The following GMPS variants were observed in gnomAD, a reference collection of about 807,000 sequenced individuals.
GMPS encodes GMP synthase [glutamine-hydrolyzing].
Under a neutral mutation model 77.9 loss-of-function variants are expected in GMPS, and 15 were observed. The observed-to-expected ratio is 0.19, with a 90% CI of 0.13 to 0.30. The LOEUF is 0.30. Among genes scored for constraint, GMPS ranks in the 10% least tolerant of loss-of-function variants. GMPS has a pLI of 1.00. For missense variants in GMPS, 590 were observed against 838.8 expected (o/e 0.70, Z 3.66); for synonymous variants, 224 against 275.9 (o/e 0.81, Z 1.86).
chr3:155,930,084 G>A (rs1469935667), intron 12 of GMPS, among the ~76,000 whole-genome samples: 23 of 145,964 alleles, frequency 1.6e-4, no homozygotes, highest in African/African-American at 5.7e-4. Flanking sequence ...AAAGCTGGAG[G>A]CATCACACTA....
intron 1 of GMPS, among the ~76,000 whole-genome samples, chr3:155,874,433 A>C (rs548927665): frequency 6.6e-6 from 1 of 152,352 alleles, no homozygotes; most frequent in Non-Finnish European, 1.5e-5. Flanking sequence ...TAAGATTTTG[A>C]ATGGAATGGG....
chr3:155,941,524 A>G lies in GMPS; in HGVS notation c.*3832A>G, dbSNP rs1755890928. 4.6e-6 allele frequency: 1 copy of G among 219,640 alleles called. No homozygotes were observed. The highest frequency in any genetic ancestry group is 6.7e-5 in the East Asian group (1 of 14,978). The allele number at this position is 219,640 out of a possible 1,614,324, so 13.6% of individuals were successfully genotyped here. On this transcript the variant is annotated 3_prime_UTR_variant, in exon 16 of 16. Transcript: ENST00000496455. ...TCTAGAGATAGCCCTGTCTTTCAGA[A>G]ATTCTCTGACATCTGCTTGCGCAAT...
chr3:155,883,944 T>A (rs1274843888), intron 1 of GMPS, among the ~76,000 whole-genome samples: 2 of 152,132 alleles, frequency 1.3e-5, no homozygotes, highest in South Asian at 2.1e-4. Flanking sequence ...GCAGGTTGAT[T>A]CGGGCTGATT....
intron 14 of GMPS, among the ~76,000 whole-genome samples, chr3:155,935,258 A>G (rs150011035): frequency 1.3e-3 from 191 of 152,168 alleles, no homozygotes; most frequent in South Asian, 0.012. Context: ...ATCTTGGTTC[A>G]CTTCAGCCTC....
rs1162599110 is a variant in GMPS, at chr3:155,940,331, A to G, written c.*2639A>G. The G allele has an allele frequency of 5.0e-6, 1 of 201,770 alleles. No homozygotes were observed. The highest frequency in any genetic ancestry group is 1.0e-5 in the Non-Finnish European group (1 of 98,326). The allele number at this position is 201,770 out of a possible 1,614,324, so 12.5% of individuals were successfully genotyped here. A position where few individuals can be genotyped will look rare whatever the true frequency, so the allele number is the denominator to read the frequency against. ...TCTGTTAGAAATAACAGCCTGGCATAATTCCTAAATACAAGTCTGTAGATA... is the reference window on the plus strand; with the variant it reads ...TCTGTTAGAAATAACAGCCTGGCATGATTCCTAAATACAAGTCTGTAGATA... On this transcript the variant is annotated 3_prime_UTR_variant, in exon 16 of 16. Transcript: ENST00000496455.
At chr3:155,903,803 A>T (rs1010195984) in intron 3 of GMPS, 60 bp from the exon 4 acceptor site, 2 of 669,564 alleles carry the variant, frequency 3.0e-6, no homozygotes, top group African/African-American at 1.8e-5. Flanking sequence ...TTAAATCAGT[A>T]TAACAAAATG....
chr3:155,874,518 A>C (rs779466267), intron 1 of GMPS, among the ~76,000 whole-genome samples: 1 of 152,182 alleles, frequency 6.6e-6, no homozygotes, highest in East Asian at 1.9e-4. Context: ...CAACTTAGTA[A>C]ATTTTTTTCT....
In GMPS at chr3:155,941,557, C is replaced by T; in HGVS notation, c.*3865C>T. 1 of 220,800 alleles carries T rather than the reference C, an allele frequency of 4.5e-6. No homozygotes were observed. The highest frequency in any genetic ancestry group is 6.6e-5 in the East Asian group (1 of 15,120). 13.7% of individuals were successfully genotyped at this position (220,800 alleles called of 1,614,324 possible). On this transcript the variant is annotated 3_prime_UTR_variant, in exon 16 of 16. Coordinates refer to ENST00000496455, the MANE Select transcript of GMPS (RefSeq NM_003875.3). Reference sequence around the variant, plus strand: ...GACATCTGCTTGCGCAATGTTATAACCACTTTCCCACACTACTCCCCTCCA... The same window carrying T: ...GACATCTGCTTGCGCAATGTTATAATCACTTTCCCACACTACTCCCCTCCA...
At chr3:155,885,302 T>C (rs1754310954) in intron 1 of GMPS, among the ~76,000 whole-genome samples, 2 of 152,224 alleles carry the variant, frequency 1.3e-5, no homozygotes, top group Admixed American at 1.3e-4. Flanking sequence ...CTATCTGTTG[T>C]GTACTCAGAT....
Position 155,931,683 on chromosome 3 carries a change from T to TTA in GMPS, c.1561-82_1561-81insTA, listed in dbSNP as rs745576751. The stretch of plus-strand genomic sequence containing the variant: ...TTCAATGCATCTTTTCTTTTTTTTT[T>TTA]AAAAAAAAAAAAAAGCTTTGTCAAG... On this transcript the variant is annotated intron_variant, in intron 12 of 15. Coordinates refer to ENST00000496455, the MANE Select transcript of GMPS (RefSeq NM_003875.3). 1,821 of 398,340 alleles carry TTA rather than the reference T, an allele frequency of 4.6e-3. 19 individuals carry two copies. Among genetic ancestry groups the TTA allele is most frequent in the South Asian group, 6.5e-3 (198 of 30,402 alleles). The allele number at this position is 398,340 out of a possible 1,614,324, so 24.7% of individuals were successfully genotyped here.
chr3:155,914,083 A>G (rs933928131), intron 7 of GMPS, among the ~76,000 whole-genome samples: 15 of 151,880 alleles, frequency 9.9e-5, no homozygotes, highest in Non-Finnish European at 2.1e-4. Context: ...AGTAGCTGGG[A>G]CTACAGGCAC....
chr3:155,941,095 T>C lies in GMPS; in HGVS notation c.*3403T>C, dbSNP rs1163078107. ...GGAAGAGGAAATGCTCTAGGGCCCT[T>C]CAGGGCAAATCTTAAAAGGAAGTTC... On this transcript the variant is annotated 3_prime_UTR_variant, in exon 16 of 16. Coordinates refer to ENST00000496455, the MANE Select transcript of GMPS (RefSeq NM_003875.3). The C allele has an allele frequency of 2.2e-5, 4 of 185,938 alleles. No homozygotes were observed. Among genetic ancestry groups the C allele is most frequent in the African/African-American group, 9.4e-5 (4 of 42,644 alleles). 11.5% of individuals were successfully genotyped at this position (185,938 alleles called of 1,614,324 possible).
At chr3:155,930,612 C>A (rs1189117103) in intron 12 of GMPS, among the ~76,000 whole-genome samples, 1 of 152,176 alleles carries the variant, frequency 6.6e-6, no homozygotes, top group Non-Finnish European at 1.5e-5. Flanking sequence ...ACCTACTTAT[C>A]TGACAAAGGG....
chr3:155,936,610 T>C, intron 15 of GMPS, 100 bp downstream of exon 15: 1 of 705,636 alleles, frequency 1.4e-6, no homozygotes, highest in Non-Finnish European at 2.4e-6. Context: ...TTTCTTATGT[T>C]GGTTTTCTGT....
intron 1 of GMPS, 24 bp downstream of exon 1, chr3:155,870,921 A>T: frequency 6.8e-7 from 1 of 1,461,454 alleles, no homozygotes; most frequent in Non-Finnish European, 9.0e-7. Context: ...TCCCTGCAGC[A>T]CCGCATCCCG....
rs912318543 is a variant in GMPS at position 155,918,164 on chromosome 3, A to G, written c.1213-1069A>G. On this transcript the variant is annotated intron_variant, in intron 9 of 15. Coordinates refer to ENST00000496455, the MANE Select transcript of GMPS (RefSeq NM_003875.3). Reference sequence around the variant, plus strand: ...TATCTGACTTTTAAAAATTTTAGTCATCTGGCTCAGCACAGTGGCTCATGC... The same window carrying G: ...TATCTGACTTTTAAAAATTTTAGTCGTCTGGCTCAGCACAGTGGCTCATGC... Among the ~76,000 whole-genome samples the G allele has an allele frequency of 3.3e-5, 5 of 152,182 alleles. 1 individual carries two copies. The South Asian group carries it at 1.0e-3, about 32-fold the overall frequency.
rs964740156 is a variant in GMPS, at chr3:155,941,761, A to G, written c.*4069A>G. 1 of 220,262 alleles carries G rather than the reference A, an allele frequency of 4.5e-6. No individual in the cohort carries two copies. Among genetic ancestry groups the G allele is most frequent in the African/African-American group, 2.2e-5 (1 of 44,644 alleles). 13.6% of individuals were successfully genotyped at this position (220,262 alleles called of 1,614,324 possible). On this transcript the variant is annotated 3_prime_UTR_variant, in exon 16 of 16. Coordinates refer to ENST00000496455, the MANE Select transcript of GMPS (RefSeq NM_003875.3). ...TTTAACACCACCAGATGATCAAGGG[A>G]TCAGGGTATCTTTCTGGTATCTTTT...
chr3:155,870,766 C>T lies in GMPS; in HGVS notation c.-105C>T, dbSNP rs1753884437. 2 of 737,734 alleles carry T rather than the reference C, an allele frequency of 2.7e-6. No homozygotes were observed. Among genetic ancestry groups the T allele is most frequent in the East Asian group, 6.6e-5 (2 of 30,268 alleles). The allele number at this position is 737,734 out of a possible 1,614,324, so 45.7% of individuals were successfully genotyped here. A position where few individuals can be genotyped will look rare whatever the true frequency, so the allele number is the denominator to read the frequency against. Reference sequence around the variant, plus strand: ...CTCTCCGCTGCCGGCTGCTCCTCGACCAGGCCTCCTTCTCAACCTCAGCCC... The same window carrying T: ...CTCTCCGCTGCCGGCTGCTCCTCGATCAGGCCTCCTTCTCAACCTCAGCCC... On this transcript the variant is annotated 5_prime_UTR_variant, in exon 1 of 16. Coordinates refer to ENST00000496455, the MANE Select transcript of GMPS (RefSeq NM_003875.3).
intron 1 of GMPS, among the ~76,000 whole-genome samples, chr3:155,883,458 G>A (rs1332515815): frequency 2.0e-5 from 3 of 152,084 alleles, no homozygotes; most frequent in Non-Finnish European, 2.9e-5. Flanking sequence ...AATTGAGAGT[G>A]TTCACAAATT....
Sources: allele counts gnomAD v4.1 joint callset (sites outside exome capture counted in the v4.1 genomes callset), GRCh38; gene constraint gnomAD v4.1.1; transcripts MANE v1.5; gene names NCBI Gene and HGNC (gene_info 2026-07-23, HGNC 2026-07-21).